SORCS1: variants seen among roughly 807,000 people sequenced by gnomAD.
The protein encoded by SORCS1 is VPS10 domain-containing receptor SorCS1.
Under a neutral mutation model 146.1 loss-of-function variants are expected in SORCS1, and 60 were observed. That is an observed-to-expected ratio of 0.41 (90% CI 0.33 to 0.51). SORCS1 has a LOEUF of 0.51. SORCS1 is among the 20% of genes least tolerant of loss of function. The pLI, the probability that SORCS1 is intolerant of heterozygous loss-of-function variation, is 0.21. For missense variants in SORCS1, 1,352 were observed against 1,487.6 expected (o/e 0.91, Z 1.50); for synonymous variants, 637 against 584.0 (o/e 1.09, Z -1.31).
chr10:107,172,433 T>C, the SORCS1 span, among the ~76,000 whole-genome samples: 1 of 152,250 alleles, frequency 6.6e-6, no homozygotes, highest in Non-Finnish European at 1.5e-5. Context: ...ATGTACTTTT[T>C]GGTTCTATTG....
intron 1 of SORCS1, among the ~76,000 whole-genome samples, chr10:107,086,824 T>C (rs1963798665): frequency 6.6e-6 from 1 of 152,136 alleles, no homozygotes; most frequent in South Asian, 2.1e-4. Context: ...GGTCAGGAGA[T>C]CGAGACCATC....
At chr10:106,631,717 C>T (rs1848453982) in intron 18 of SORCS1, among the ~76,000 whole-genome samples, 1 of 152,204 alleles carries the variant, frequency 6.6e-6, no homozygotes, top group South Asian at 2.1e-4. Context: ...AACTCTACTT[C>T]AGCCTCCATT....
At chr10:106,767,576 C>T (rs1859672688) in intron 4 of SORCS1, among the ~76,000 whole-genome samples, 1 of 152,142 alleles carries the variant, frequency 6.6e-6, no homozygotes, top group African/African-American at 2.4e-5. Context: ...GCAACCTCTG[C>T]CTCCAGGGTT....
At chr10:106,806,505 CTTTTTTTTTTTT>C (rs1191296212) in intron 3 of SORCS1, among the ~76,000 whole-genome samples, 3 of 70,468 alleles carry the variant, frequency 4.3e-5, no homozygotes, top group Non-Finnish European at 8.2e-5. Context: ...GAGAGGAAGC[CTTTTTTTTTTTT>C]TTTTTTTTTT....
chr10:107,080,341 A>C (rs998739813), intron 1 of SORCS1, among the ~76,000 whole-genome samples: 1 of 152,196 alleles, frequency 6.6e-6, no homozygotes, highest in Non-Finnish European at 1.5e-5. Flanking sequence ...CCTATAGGCA[A>C]CTAGTAAAAT....
At chr10:106,578,709 C>A in intron 25 of SORCS1, 1 of 1,082,164 alleles carries the variant, frequency 9.2e-7, no homozygotes, top group Non-Finnish European at 1.1e-6. Flanking sequence ...CAATACATAC[C>A]ATGTCCTGCA....
At chr10:106,964,640 C>G (rs1264201800) in intron 1 of SORCS1, among the ~76,000 whole-genome samples, 2 of 152,050 alleles carry the variant, frequency 1.3e-5, no homozygotes, top group East Asian at 3.9e-4. Flanking sequence ...GTGCGTGCCA[C>G]CACACCTGGC....
chr10:106,675,343 A>C (rs1564845525), intron 13 of SORCS1, among the ~76,000 whole-genome samples, 187 bp from the exon 14 acceptor site: 1 of 152,218 alleles, frequency 6.6e-6, no homozygotes, highest in Non-Finnish European at 1.5e-5. Flanking sequence ...TAGCCAAGCC[A>C]CCGGGACACA....
intron 1 of SORCS1, among the ~76,000 whole-genome samples, chr10:106,972,237 C>T (rs1485802542): frequency 6.6e-6 from 1 of 151,914 alleles, no homozygotes; most frequent in Non-Finnish European, 1.5e-5. Context: ...CAAAAATTAG[C>T]CGGGCATGGT....
intron 1 of SORCS1, among the ~76,000 whole-genome samples, chr10:107,009,578 A>G (rs1460000607): frequency 6.6e-6 from 1 of 152,224 alleles, no homozygotes; most frequent in African/African-American, 2.4e-5. Context: ...TGGATAAAAT[A>G]TCTGGAATGA....
chr10:107,117,888 TAGAAG>T (rs1207478060), intron 1 of SORCS1, among the ~76,000 whole-genome samples: 1 of 152,194 alleles, frequency 6.6e-6, no homozygotes, highest in Non-Finnish European at 1.5e-5. Flanking sequence ...AGAAGAGACT[TAGAAG>T]AGACTTGGGA....
chr10:106,844,564 CTTTT>C (rs71482493), intron 2 of SORCS1, among the ~76,000 whole-genome samples: 4 of 142,608 alleles, frequency 2.8e-5, no homozygotes, highest in Non-Finnish European at 6.2e-5. Context: ...TACTGAATTT[CTTTT>C]TTTTTTTAAT....
intron 3 of SORCS1, among the ~76,000 whole-genome samples, chr10:106,791,641 G>A (rs1946326833): frequency 6.6e-6 from 1 of 152,184 alleles, no homozygotes; most frequent in Non-Finnish European, 1.5e-5. Context: ...ATAGGTTGCA[G>A]TGAGCTGAGA....
At chr10:107,040,448 C>T (rs769754153) in intron 1 of SORCS1, among the ~76,000 whole-genome samples, 14 of 152,276 alleles carry the variant, frequency 9.2e-5, no homozygotes, top group Non-Finnish European at 2.1e-4. Context: ...TTTGTGAATT[C>T]ACCCCTTATG....
Position 106,599,674 on chromosome 10 carries a change from T to C in SORCS1, c.3166-2224A>G, listed in dbSNP as rs768534997. Among the ~76,000 whole-genome samples the C allele has an allele frequency of 1.4e-4, 22 of 152,286 alleles. No individual in the cohort carries two copies. The Middle Eastern group carries it at 0.017, about 118-fold the overall frequency. ...GAGGGAATTAGCCTGTTTTGCCAAA[T>C]TTATCACATGGACTAAAGGGAACTA... is the stretch of plus-strand genomic sequence containing the variant. On this transcript the variant is annotated intron_variant, in intron 23 of 25. Transcript: ENST00000263054.
intron 2 of SORCS1, among the ~76,000 whole-genome samples, chr10:106,844,834 T>C (rs1413675289): frequency 1.4e-5 from 2 of 147,970 alleles, no homozygotes; most frequent in African/African-American, 5.0e-5. Flanking sequence ...ATGCGGTGTT[T>C]GGTTTTTTGT....
chr10:106,843,405 T>C (rs1400549114), intron 2 of SORCS1, among the ~76,000 whole-genome samples: 2 of 151,510 alleles, frequency 1.3e-5, no homozygotes, highest in Non-Finnish European at 2.9e-5. Context: ...AGTTAATTCA[T>C]GTTGCGGTAA....
rs751659051 is a variant in SORCS1, at chr10:107,038,956, CATAA to C, written c.559-82380_559-82377del. ...AAGAGGAGTCATTTACAAAGCAAAA[CATAA>C]ATAAACTACTAAGCACAATTAAGCT... is the stretch of plus-strand genomic sequence containing the variant. On this transcript the variant is annotated intron_variant, in intron 1 of 25. Coordinates refer to ENST00000263054, the MANE Select transcript of SORCS1 (RefSeq NM_052918.5). 3.9e-5 allele frequency among the ~76,000 whole-genome samples: 6 copies of C among 152,056 alleles called. No individual in the cohort carries two copies. The East Asian group carries it at 9.6e-4, about 24-fold the overall frequency.
intron 1 of SORCS1, among the ~76,000 whole-genome samples, chr10:107,091,798 C>T (rs1556758): frequency 0.42 from 63,466 of 152,104 alleles, 13,838 homozygotes; most frequent in Middle Eastern, 0.58. Flanking sequence ...ATTTTATTTT[C>T]TTCAACTCTT....
Sources: allele counts gnomAD v4.1 joint callset (sites outside exome capture counted in the v4.1 genomes callset), GRCh38; gene constraint gnomAD v4.1.1; transcripts MANE v1.5; gene names NCBI Gene and HGNC (gene_info 2026-07-23, HGNC 2026-07-21).